The following PPP1CB variants were observed in gnomAD, a reference collection of about 807,000 sequenced individuals.
PPP1CB encodes the protein serine/threonine-protein phosphatase PP1-beta catalytic subunit.
A neutral mutation model predicts 43.7 loss-of-function variants in PPP1CB; 2 were observed. The observed-to-expected ratio is 0.05, with a 90% CI of 0.02 to 0.14. The LOEUF (loss-of-function observed/expected upper bound fraction) is 0.14, where lower values mean the gene tolerates loss of function less well. Among genes scored for constraint, PPP1CB ranks in the 10% least tolerant of loss-of-function variants. The pLI is 1.00. For missense variants in PPP1CB, 84 were observed against 398.0 expected (o/e 0.21, Z 6.71); for synonymous variants, 136 against 135.6 (o/e 1.00, Z -0.02).
At position 28,802,687 on chromosome 2, in the gene PPP1CB, G is replaced by A. The variant is rs1667647360; in HGVS notation, c.*3384G>A. 1 of 152,122 alleles carries A rather than the reference G, an allele frequency of 6.6e-6. No individual in the cohort carries two copies. Among genetic ancestry groups the A allele is most frequent in the Non-Finnish European group, 1.5e-5 (1 of 68,026 alleles). 9.4% of individuals were successfully genotyped at this position (152,122 alleles called of 1,614,324 possible). On this transcript the variant is annotated 3_prime_UTR_variant, in exon 8 of 8. Coordinates refer to ENST00000395366, the MANE Select transcript of PPP1CB (RefSeq NM_002709.3). Reference sequence around the variant, plus strand: ...TGAAACTTAGATACAATTGTGATTGGATACTTAGATACTAAGTGAAACTTA... The same window carrying A: ...TGAAACTTAGATACAATTGTGATTGAATACTTAGATACTAAGTGAAACTTA...
In PPP1CB at chr2:28,751,899, C is replaced by T. The variant is rs1666290736; in HGVS notation, c.-226C>T. 5.0e-6 allele frequency: 3 copies of T among 602,518 alleles called. No individual in the cohort carries two copies. The highest frequency in any genetic ancestry group is 3.6e-5 in the South Asian group (2 of 56,138). 37.3% of individuals were successfully genotyped at this position (602,518 alleles called of 1,614,324 possible). ...CTGACGCGGCCCTGTTCGAGGGGGC[C>T]TCTCTTGTTTATTTATTTATTTTCC... On this transcript the variant is annotated 5_prime_UTR_variant, in exon 1 of 8. Transcript: ENST00000395366.
intron 1 of PPP1CB, among the ~76,000 whole-genome samples, chr2:28,770,840 C>T (rs1049369649): frequency 6.6e-6 from 1 of 152,052 alleles, no homozygotes; most frequent in African/African-American, 2.4e-5. Context: ...CCATAAAGCA[C>T]CCCTCAGTAC....
intron 7 of PPP1CB, among the ~76,000 whole-genome samples, chr2:28,796,278 T>C (rs1443235578): frequency 1.3e-5 from 2 of 152,208 alleles, no homozygotes; most frequent in Admixed American, 1.3e-4. Context: ...TTCGGGCTCT[T>C]TTTCAATTTC....
At chr2:28,764,175 AG>A (rs551956209) in intron 1 of PPP1CB, among the ~76,000 whole-genome samples, 1 of 151,428 alleles carries the variant, frequency 6.6e-6, no homozygotes, top group South Asian at 2.1e-4. Context: ...GAAAAAGCAA[AG>A]GGGGCTGGAC....
At chr2:28,767,093 AAG>A (rs1666795334) in intron 1 of PPP1CB, among the ~76,000 whole-genome samples, 3 of 152,148 alleles carry the variant, frequency 2.0e-5, no homozygotes, top group African/African-American at 7.2e-5. Flanking sequence ...AAAAAAAAAA[AAG>A]TTTATTGTCT....
chr2:28,771,345 T>G (rs1205644111), intron 1 of PPP1CB, among the ~76,000 whole-genome samples: 2 of 152,064 alleles, frequency 1.3e-5, no homozygotes, highest in Admixed American at 6.6e-5. Context: ...GCCACTGTAC[T>G]CGGCCTTATT....
At chr2:28,776,265 G>C (rs986542379) in intron 1 of PPP1CB, among the ~76,000 whole-genome samples, 1 of 146,622 alleles carries the variant, frequency 6.8e-6, no homozygotes, top group East Asian at 2.0e-4. Context: ...CTGTTTGTTT[G>C]TTTTTTTTTT....
intron 1 of PPP1CB, among the ~76,000 whole-genome samples, chr2:28,764,918 C>CA (rs34681782): frequency 0.51 from 75,615 of 147,514 alleles, 19,571 homozygotes; most frequent in Middle Eastern, 0.62. Context: ...GACCCTGTCT[C>CA]AAAAAAAAAA....
At chr2:28,787,262 A>G (rs1197285796) in intron 5 of PPP1CB, among the ~76,000 whole-genome samples, 2 of 152,204 alleles carry the variant, frequency 1.3e-5, no homozygotes, top group Non-Finnish European at 2.9e-5. Flanking sequence ...GATCGAGACC[A>G]TCCTGGCTAA....
chr2:28,752,438 G>A (rs1259556661), intron 1 of PPP1CB, among the ~76,000 whole-genome samples: 1 of 152,206 alleles, frequency 6.6e-6, no homozygotes, highest in African/African-American at 2.4e-5. Flanking sequence ...CCGGCCGAAG[G>A]CTGTGCGGAG....
chr2:28,774,042 T>G (rs1666973346), intron 1 of PPP1CB, among the ~76,000 whole-genome samples: 1 of 152,226 alleles, frequency 6.6e-6, no homozygotes, highest in African/African-American at 2.4e-5. Flanking sequence ...GCAGTGTGTT[T>G]TTGGTAAATT....
intron 6 of PPP1CB, among the ~76,000 whole-genome samples, chr2:28,792,959 A>T (rs773212740): frequency 5.9e-5 from 9 of 152,172 alleles, no homozygotes; most frequent in Non-Finnish European, 1.2e-4. Context: ...TAATCCCAGC[A>T]CTTTGGGAGG....
intron 1 of PPP1CB, among the ~76,000 whole-genome samples, chr2:28,775,678 A>G (rs543057240): frequency 3.9e-5 from 6 of 152,172 alleles, no homozygotes; most frequent in African/African-American, 1.2e-4. Context: ...CTCCCAGCCT[A>G]TTTTCTTTTC....
At chr2:28,783,485 C>T (rs980791376) in intron 4 of PPP1CB, among the ~76,000 whole-genome samples, 6 of 152,052 alleles carry the variant, frequency 3.9e-5, no homozygotes, top group Non-Finnish European at 7.4e-5. Flanking sequence ...GGGCAGGGCG[C>T]GGTGGCCCAC....
chr2:28,766,360 C>G (rs1171463701), intron 1 of PPP1CB, among the ~76,000 whole-genome samples: 2 of 152,166 alleles, frequency 1.3e-5, no homozygotes, highest in East Asian at 1.9e-4. Context: ...ACCATTGATG[C>G]CTGTGGTTCA....
chr2:28,786,311 A>C (rs1408712965), intron 5 of PPP1CB, among the ~76,000 whole-genome samples: 1 of 151,976 alleles, frequency 6.6e-6, no homozygotes, highest in Non-Finnish European at 1.5e-5. Flanking sequence ...ACAGGGTTTC[A>C]CCATGTTGGC....
chr2:28,788,568 C>CA lies in PPP1CB; in HGVS notation c.593-88dup, dbSNP rs1438890108. On this transcript the variant is annotated intron_variant, in intron 5 of 7. Coordinates refer to ENST00000395366, the MANE Select transcript of PPP1CB (RefSeq NM_002709.3). ...CATTGTTTAGTAAAAGGTAAGAGGG[C>CA]AAGAAAGGAACTGAAATTTGATGTA... 1.4e-5 allele frequency: 19 copies of CA among 1,374,576 alleles called. No individual in the cohort carries two copies. In the Admixed American group the frequency reaches 3.8e-4, roughly 27 times the overall value. The allele number at this position is 1,374,576 out of a possible 1,614,324, so 85.1% of individuals were successfully genotyped here.
chr2:28,766,236 C>A (rs1332610311), intron 1 of PPP1CB, among the ~76,000 whole-genome samples: 5 of 152,302 alleles, frequency 3.3e-5, no homozygotes, highest in African/African-American at 9.6e-5. Context: ...AAAGCTGTCA[C>A]TGCTAAGCCA....
chr2:28,757,418 A>G (rs962831231), intron 1 of PPP1CB, among the ~76,000 whole-genome samples: 1 of 152,134 alleles, frequency 6.6e-6, no homozygotes, highest in Admixed American at 6.5e-5. Flanking sequence ...TCTAGGTCAT[A>G]TGGTAGCCCT....
Sources: allele counts gnomAD v4.1 joint callset (sites outside exome capture counted in the v4.1 genomes callset), GRCh38; gene constraint gnomAD v4.1.1; transcripts MANE v1.5; gene names NCBI Gene and HGNC (gene_info 2026-07-23, HGNC 2026-07-21).